Variants in NDST1 observed in about 807,000 individuals in gnomAD.
NDST1 encodes N-deacetylase and N-sulfotransferase 1.
NDST1 carries 35 observed loss-of-function variants against 92.8 expected under a neutral mutation model. The observed-to-expected ratio is 0.38, with a 90% CI of 0.29 to 0.50. The LOEUF (loss-of-function observed/expected upper bound fraction) is 0.50. Ranked by LOEUF, NDST1 falls within the 20% of genes least tolerant of loss-of-function variation. NDST1 has a pLI of 0.94. For synonymous variants in NDST1, 493 were observed against 500.3 expected (o/e 0.99, Z 0.19); for missense variants, 822 against 1,182.7 (o/e 0.69, Z 4.47).
chr5:150,548,268 G>A lies in NDST1; in HGVS notation c.2196G>A (p.Glu732=). The A allele has an allele frequency of 6.2e-7, 1 of 1,614,158 alleles. No individual in the cohort carries two copies. Among genetic ancestry groups the A allele is most frequent in the Non-Finnish European group, 8.5e-7 (1 of 1,180,028 alleles). Residue 732 remains glutamate (E), a synonymous_variant, in exon 12 of 15, where the codon GAG becomes GAA. Transcript: ENST00000261797. ...TGGCCCTAAAGTACACCTTCCATGA[G>A]GTGATTACCGCCGGCTCTGACGCAT... is the stretch of plus-strand genomic sequence containing the variant. ...DPVALKYTFH[E]VITAGSDASS...
At chr5:150,530,557 ATT>A (rs71589713) in intron 3 of NDST1, among the ~76,000 whole-genome samples, 4,521 of 126,860 alleles carry the variant, frequency 0.036, 141 homozygotes, top group East Asian at 0.12. Context: ...CGTATTTTAA[ATT>A]TTTTTTTTTT....
rs779309764 is a variant in NDST1 at position 150,527,945 on chromosome 5, G to A, written c.655G>A (p.Val219Met). 3 of 1,613,964 alleles carry A rather than the reference G, an allele frequency of 1.9e-6. No individual in the cohort carries two copies. The highest frequency in any genetic ancestry group is 1.1e-5 in the South Asian group (1 of 91,078). ...VTRPSEVEKG[V>M]LPGEDWTVFQ... ...GCGACCTAGCGAGGTGGAGAAAGGT[G>A]TGCTCCCCGGCGAGGACTGGACGGT... is the stretch of plus-strand genomic sequence containing the variant. Residue 219 changes from valine (V) to methionine (M), a missense_variant, in exon 3 of 15, where the codon GTG becomes ATG. Physicochemically the swap from Val to Met is conservative, Grantham distance 21 (BLOSUM62 1). Coordinates refer to ENST00000261797, the MANE Select transcript of NDST1 (RefSeq NM_001543.5).
chr5:150,548,528 A>C (rs1467876687), intron 12 of NDST1, 140 bp downstream of exon 12: 2 of 857,242 alleles, frequency 2.3e-6, no homozygotes, highest in Non-Finnish European at 3.6e-6. Flanking sequence ...GTCTATAAAA[A>C]GATTTTATTA....
At position 150,527,696 on chromosome 5, in the gene NDST1, G is replaced by A. The variant is rs1191858628; in HGVS notation, c.514-108G>A. 9.8e-6 allele frequency: 15 copies of A among 1,527,822 alleles called. No individual in the cohort carries two copies. The East Asian group carries it at 3.2e-4, about 33-fold the overall frequency. 94.6% of individuals were successfully genotyped at this position (1,527,822 alleles called of 1,614,324 possible). On this transcript the variant is annotated intron_variant, in intron 2 of 14. Transcript: ENST00000261797. ...CCAGGGTGGTGAGCCCTCCATGAATGTTGGTGAATATTGATACCACTGTTA... is the reference window on the plus strand; with the variant it reads ...CCAGGGTGGTGAGCCCTCCATGAATATTGGTGAATATTGATACCACTGTTA...
At chr5:150,543,531 C>T (rs1011947241) in intron 10 of NDST1, among the ~76,000 whole-genome samples, 1 of 152,158 alleles carries the variant, frequency 6.6e-6, no homozygotes, top group African/African-American at 2.4e-5. Context: ...TACTCTCCAC[C>T]TTTTCAGTTG....
At chr5:150,545,651 A>G (rs1755445442) in intron 11 of NDST1, among the ~76,000 whole-genome samples, 165 bp downstream of exon 11, 1 of 152,222 alleles carries the variant, frequency 6.6e-6, no homozygotes, top group Non-Finnish European at 1.5e-5. Flanking sequence ...TCCTTGGTGG[A>G]GGAGACAGGC....
rs369151278 is a variant in NDST1, at chr5:150,519,230, GC to G, written c.-387-1637del. On this transcript the variant is annotated intron_variant, in intron 1 of 14. Transcript: ENST00000261797. ...TGGAAGTGCAGCTGTCGGGTCTGGA[GC>G]ATGCTGTACCCATGCTGAGCACATC... Among the ~76,000 whole-genome samples, 483 of 152,352 alleles carry G rather than the reference GC, an allele frequency of 3.2e-3. 1 individual carries two copies. The highest frequency in any genetic ancestry group is 0.011 in the African/African-American group (451 of 41,578).
intron 7 of NDST1, 56 bp downstream of exon 7, chr5:150,539,412 C>A: frequency 6.2e-7 from 1 of 1,611,994 alleles, no homozygotes; most frequent in South Asian, 1.1e-5. Flanking sequence ...CACAGCCTGT[C>A]TGCAGCTGAC....
At chr5:150,498,551 T>G (rs1294877617) in intron 1 of NDST1, among the ~76,000 whole-genome samples, 1 of 152,124 alleles carries the variant, frequency 6.6e-6, no homozygotes, top group Non-Finnish European at 1.5e-5. Context: ...GGGAAACCCT[T>G]TCTGCATTCT....
chr5:150,550,342 C>T (rs1055292220), intron 13 of NDST1: 8 of 157,440 alleles, frequency 5.1e-5, no homozygotes, highest in African/African-American at 7.2e-5. Context: ...CCTGCTTCAG[C>T]GTCCCAAAGT....
Position 150,540,284 on chromosome 5 carries a change from G to A in NDST1, c.1749+20G>A. 1 of 1,586,252 alleles carries A rather than the reference G, an allele frequency of 6.3e-7. No homozygotes were observed. The highest frequency in any genetic ancestry group is 8.6e-7 in the Non-Finnish European group (1 of 1,164,508). On this transcript the variant is annotated intron_variant, in intron 8 of 14. Transcript: ENST00000261797. ...TGGCAGGTGGGGGGCTGGGCAGCCTGGGCAGGTTGCTACAGGGATGGAACG... is the reference window on the plus strand; with the variant it reads ...TGGCAGGTGGGGGGCTGGGCAGCCTAGGCAGGTTGCTACAGGGATGGAACG...
intron 3 of NDST1, among the ~76,000 whole-genome samples, chr5:150,529,376 G>T (rs2151280602): frequency 8.4e-6 from 1 of 118,644 alleles, no homozygotes; most frequent in South Asian, 2.8e-4. Context: ...GGGCCACAGA[G>T]CAAGACCCTG....
chr5:150,540,129 G>A lies in NDST1; in HGVS notation c.1614G>A (p.Leu538=), dbSNP rs1755178076. 5.0e-6 allele frequency: 8 copies of A among 1,614,196 alleles called. No individual in the cohort carries two copies. Residue 538 remains leucine, a synonymous_variant, in exon 8 of 15, where the codon CTG becomes CTA. Coordinates refer to ENST00000261797, the MANE Select transcript of NDST1 (RefSeq NM_001543.5). ...TGTCCAACTATGGGAATGACCGCCT[G>A]GGCCTGTACACCTTCAAGCACCTGG... ...THLSNYGNDR[L]GLYTFKHLVR... is the part of the protein sequence containing the mutation.
chr5:150,510,350 A>C (rs1404854211), intron 1 of NDST1, among the ~76,000 whole-genome samples: 1 of 152,200 alleles, frequency 6.6e-6, no homozygotes, highest in Non-Finnish European at 1.5e-5. Context: ...TAAGGAAAAA[A>C]TAGTTCTGGA....
intron 6 of NDST1, among the ~76,000 whole-genome samples, chr5:150,536,252 A>G (rs1754981776): frequency 6.6e-6 from 1 of 152,094 alleles, no homozygotes; most frequent in Non-Finnish European, 1.5e-5. Flanking sequence ...TTGGGAGGCC[A>G]AGGCAGGCAG....
At position 150,521,629 on chromosome 5, in the gene NDST1, C is replaced by T. The variant is rs773626589; in HGVS notation, c.375C>T (p.Leu125=). Residue 125 remains leucine (L), a synonymous_variant, in exon 2 of 15, where the codon CTC becomes CTT. Coordinates refer to ENST00000261797, the MANE Select transcript of NDST1 (RefSeq NM_001543.5). This position sits in a 1 kb window ranked among gnomAD's most constrained non-coding sequence, Gnocchi z 5.9. ...IAPGKGDMPT[L]TDKGRGRFAL... ...CGGGCAAGGGTGACATGCCCACGCT[C>T]ACTGACAAGGGCCGTGGCCGCTTCG... is the stretch of plus-strand genomic sequence containing the variant. 2 of 1,614,068 alleles carry T rather than the reference C, an allele frequency of 1.2e-6. No individual in the cohort carries two copies. Among genetic ancestry groups the T allele is most frequent in the Non-Finnish European group, 1.7e-6 (2 of 1,180,038 alleles).
Position 150,521,880 on chromosome 5 carries a change from G to A in NDST1, c.513+113G>A. On this transcript the variant is annotated intron_variant, in intron 2 of 14. Coordinates refer to ENST00000261797, the MANE Select transcript of NDST1 (RefSeq NM_001543.5). This position sits in a 1 kb window ranked among gnomAD's most constrained non-coding sequence, Gnocchi z 5.9. ...TAGCACCCGCCTCCTGGGGTTGTTGGGAGGGTTAAATGAGTGAGTATATGT... is the reference window on the plus strand; with the variant it reads ...TAGCACCCGCCTCCTGGGGTTGTTGAGAGGGTTAAATGAGTGAGTATATGT... 3 of 1,427,164 alleles carry A rather than the reference G, an allele frequency of 2.1e-6. No homozygotes were observed. Among genetic ancestry groups the A allele is most frequent in the East Asian group, 2.3e-5 (1 of 43,402 alleles). The allele number at this position is 1,427,164 out of a possible 1,614,324, so 88.4% of individuals were successfully genotyped here.
chr5:150,528,277 C>T lies in NDST1; in HGVS notation c.987C>T (p.Arg329=), dbSNP rs201726689. 1.8e-5 allele frequency: 29 copies of T among 1,601,848 alleles called. No homozygotes were observed. Among genetic ancestry groups the T allele is most frequent in the Admixed American group, 8.4e-5 (5 of 59,672 alleles). Residue 329 remains arginine, a synonymous_variant, in exon 3 of 15, where the codon CGC becomes CGT. Coordinates refer to ENST00000261797, the MANE Select transcript of NDST1 (RefSeq NM_001543.5). Reference sequence around the variant, plus strand: ...TCTTCGTGGGCAAGGAGGGCACACGCATGAAGGTGGAGGACGTGAAGGTAT... The same window carrying T: ...TCTTCGTGGGCAAGGAGGGCACACGTATGAAGGTGGAGGACGTGAAGGTAT... ...DDIFVGKEGT[R]MKVEDVKALF...
At chr5:150,532,660 G>A (rs1754799040) in intron 3 of NDST1, among the ~76,000 whole-genome samples, 5 of 152,146 alleles carry the variant, frequency 3.3e-5, no homozygotes, top group Admixed American at 3.3e-4. Flanking sequence ...CCAAGTAGCT[G>A]GGATTACAGG....
Sources: allele counts gnomAD v4.1 joint callset (sites outside exome capture counted in the v4.1 genomes callset), GRCh38; gene constraint gnomAD v4.1.1; non-coding constraint Gnocchi (gnomAD v3.1); transcripts MANE v1.5; gene names NCBI Gene and HGNC (gene_info 2026-07-23, HGNC 2026-07-21).